MYBPC3: variants seen among roughly 807,000 people sequenced by gnomAD.
MYBPC3 encodes the protein myosin binding protein C3, also known as myosin-binding protein C, cardiac-type.
MYBPC3 carries 108 observed loss-of-function variants against 159.3 expected under a neutral mutation model. That is an observed-to-expected ratio of 0.68 (90% confidence interval 0.58 to 0.80). The LOEUF (loss-of-function observed/expected upper bound fraction) is 0.80, where lower values mean the gene tolerates loss of function less well. Among genes scored for constraint, MYBPC3 ranks in the 30% least tolerant of loss-of-function variants. The pLI is 0.00. For missense variants in MYBPC3, 1,631 were observed against 1,762.1 expected, an observed-to-expected ratio of 0.93 and a Z score of 1.33; for synonymous variants, 730 against 702.0, an observed-to-expected ratio of 1.04 and a Z score of -0.63.
In MYBPC3 at chr11:47,351,360, C is replaced by T; in HGVS notation, c.171G>A (p.Leu57=). The change falls in exon 2 of 35, where the codon CTG becomes CTA. Residue 57 remains leucine (L), a synonymous_variant. Coordinates refer to ENST00000545968, the MANE Select transcript of MYBPC3 (RefSeq NM_000256.3). This position sits in a 1 kb window ranked among gnomAD's most constrained non-coding sequence, Gnocchi z 4.2. ...GCGTATGCCGTGTGCCCTCTGTGGC[C>T]AGGCCGTACTTGTTGCTGGCGCTGA... The part of the protein sequence containing the change: ...SDISASNKYG[L]ATEGTRHTLT... The T allele has an allele frequency of 6.2e-7, 1 of 1,605,636 alleles. No individual in the cohort carries two copies. The highest frequency in any genetic ancestry group is 8.5e-7 in the Non-Finnish European group (1 of 1,176,508).
intron 27 of MYBPC3, among the ~76,000 whole-genome samples, 195 bp from the exon 28 acceptor site, chr11:47,334,205 T>C (rs2095880168): frequency 6.6e-6 from 1 of 152,212 alleles, no homozygotes; most frequent in African/African-American, 2.4e-5. Flanking sequence ...TCCCCGAGCC[T>C]CACCACTTCA....
In MYBPC3 at chr11:47,338,395, C is replaced by T. The variant is rs1417924941; in HGVS notation, c.2308+125G>A. The T allele has an allele frequency of 8.6e-6, 12 of 1,388,298 alleles. No individual in the cohort carries two copies. Among genetic ancestry groups the T allele is most frequent in the Admixed American group, 8.6e-5 (4 of 46,450 alleles). The allele number at this position is 1,388,298 out of a possible 1,614,324, so 86.0% of individuals were successfully genotyped here. A position where few individuals can be genotyped will look rare whatever the true frequency, so the allele number is the denominator to read the frequency against. On this transcript the variant is annotated intron_variant, in intron 23 of 34. Transcript: ENST00000545968. This position sits in a 1 kb window ranked among gnomAD's most constrained non-coding sequence, Gnocchi z 4.7. ...GCTCCTTTTGGGCAGAAAAACCTGT[C>T]CTGTTGCCGCTCGGCTCAGGGAGCA... is the stretch of plus-strand genomic sequence containing the variant.
intron 5 of MYBPC3, 138 bp downstream of exon 5, chr11:47,349,636 T>C: frequency 1.6e-6 from 2 of 1,286,598 alleles, no homozygotes; most frequent in South Asian, 1.5e-5. Context: ...CCCCTCCACC[T>C]GCCTCCCAGA....
In MYBPC3 at chr11:47,332,914, G is replaced by A; in HGVS notation, c.3390C>T (p.Ile1130=). 1 of 1,610,056 alleles carries A rather than the reference G, an allele frequency of 6.2e-7. No homozygotes were observed. The highest frequency in any genetic ancestry group is 8.5e-7 in the Non-Finnish European group (1 of 1,178,370). ...RRTHCVVPEL[I]IGNGYYFRVF... ...CGCGGAAGTAGTAGCCATTGCCAAT[G>A]ATGAGCTCTGGCACCACGCAGTGGG... The change falls in exon 31 of 35, where the codon ATC becomes ATT. Residue 1130 remains isoleucine (I), a synonymous_variant. Coordinates refer to ENST00000545968, the MANE Select transcript of MYBPC3 (RefSeq NM_000256.3). The surrounding 1 kb of genome is among the most constrained non-coding windows in gnomAD (Gnocchi z 4.2).
chr11:47,339,683 G>A lies in MYBPC3; in HGVS notation c.2035C>T (p.Pro679Ser), dbSNP rs372493586. 2 of 1,611,784 alleles carry A rather than the reference G, an allele frequency of 1.2e-6. No homozygotes were observed. Among genetic ancestry groups the A allele is most frequent in the Non-Finnish European group, 1.7e-6 (2 of 1,178,738 alleles). Residue 679 changes from proline to serine, a missense_variant, in exon 21 of 35, where the codon CCC becomes TCC. Coordinates refer to ENST00000545968, the MANE Select transcript of MYBPC3 (RefSeq NM_000256.3). ...LDVPISGDPA[P>S]TVIWQKAITQ... ...ATAGCCTTCTGCCAGATCACAGTGG[G>A]AGCAGGGTCCCCAGAGATAGGGACG...
chr11:47,332,271 TAA>T lies in MYBPC3; in HGVS notation c.3628-15_3628-14del. On this transcript the variant is annotated splice_polypyrimidine_tract_variant and intron_variant, in intron 32 of 34. Transcript: ENST00000545968. This position sits in a 1 kb window ranked among gnomAD's most constrained non-coding sequence, Gnocchi z 4.2. ...AGGAAATCTTGGGCTATAAATAAGG[TAA>T]AGAGAGGGAGGGAAGCCATCCAGGC... 6.2e-7 allele frequency: 1 copy of T among 1,612,686 alleles called. No homozygotes were observed. The highest frequency in any genetic ancestry group is 8.5e-7 in the Non-Finnish European group (1 of 1,179,472).
In MYBPC3 at chr11:47,337,511, C is replaced by T. The variant is rs770514536; in HGVS notation, c.2482G>A (p.Glu828Lys). ...ATGCGCCGCGCTTCATGACTCAGCTCCTGAATCAGGTCGAAGTTCAGCCGC... is the reference window on the plus strand; with the variant it reads ...ATGCGCCGCGCTTCATGACTCAGCTTCTGAATCAGGTCGAAGTTCAGCCGC... Reference protein sequence around the residue: ...WMRLNFDLIQELSHEARRMIE... With the variant: ...WMRLNFDLIQKLSHEARRMIE... The change falls in exon 25 of 35, where the codon GAG becomes AAG. Residue 828 changes from glutamate (E) to lysine (K), a missense_variant. Glu to Lys is a moderately conservative substitution (Grantham distance 56). Coordinates refer to ENST00000545968, the MANE Select transcript of MYBPC3 (RefSeq NM_000256.3). 3.1e-6 allele frequency: 5 copies of T among 1,613,908 alleles called. No individual in the cohort carries two copies. Among genetic ancestry groups the T allele is most frequent in the Non-Finnish European group, 4.2e-6 (5 of 1,179,914 alleles).
chr11:47,334,980 C>G, intron 27 of MYBPC3, 62 bp downstream of exon 27: 1 of 1,422,076 alleles, frequency 7.0e-7, no homozygotes, highest in East Asian at 2.7e-5. Flanking sequence ...CCCACCTCCA[C>G]TGGACACCAA....
chr11:47,345,537 G>A (rs995153402), intron 12 of MYBPC3, among the ~76,000 whole-genome samples: 4 of 152,132 alleles, frequency 2.6e-5, no homozygotes, highest in South Asian at 2.1e-4. Flanking sequence ...TAGAGCGCTC[G>A]AGGTGTGTGC....
intron 25 of MYBPC3, 60 bp downstream of exon 25, chr11:47,337,331 T>G: frequency 5.4e-6 from 8 of 1,490,166 alleles, no homozygotes; most frequent in East Asian, 2.3e-5. Context: ...GCACCTGCTA[T>G]TATTGGAGGT....
chr11:47,346,491 G>A lies in MYBPC3; in HGVS notation c.927-121C>T, dbSNP rs1291654886. 6 of 1,454,082 alleles carry A rather than the reference G, an allele frequency of 4.1e-6. No individual in the cohort carries two copies. In the South Asian group the frequency reaches 4.2e-5, roughly 10 times the overall value. The allele number at this position is 1,454,082 out of a possible 1,614,324, so 90.1% of individuals were successfully genotyped here. ...GTCCCTCTGCCCCTTCCCTTCTGGTGGGGCAGCTGGAGCTGCTCTGGGTCC... is the reference window on the plus strand; with the variant it reads ...GTCCCTCTGCCCCTTCCCTTCTGGTAGGGCAGCTGGAGCTGCTCTGGGTCC... On this transcript the variant is annotated intron_variant, in intron 11 of 34. Coordinates refer to ENST00000545968, the MANE Select transcript of MYBPC3 (RefSeq NM_000256.3). The surrounding 1 kb of genome is among the most constrained non-coding windows in gnomAD (Gnocchi z 5.3).
intron 25 of MYBPC3, among the ~76,000 whole-genome samples, chr11:47,336,879 C>T (rs376612470): frequency 6.6e-6 from 1 of 152,234 alleles, no homozygotes; most frequent in African/African-American, 2.4e-5. Flanking sequence ...ATGGAGCTGC[C>T]TCTGCCATCT....
chr11:47,333,800 C>T lies in MYBPC3; in HGVS notation c.2995-48G>A, dbSNP rs761492958. On this transcript the variant is annotated intron_variant, in intron 28 of 34. Coordinates refer to ENST00000545968, the MANE Select transcript of MYBPC3 (RefSeq NM_000256.3). ...CCTGAACCTGGATCACTCCAAGGGC[C>T]GGCCGCCACCCCAGCCTCTGGTACC... 44 of 1,552,832 alleles carry T rather than the reference C, an allele frequency of 2.8e-5. No homozygotes were observed. In the South Asian group the frequency reaches 3.3e-4, roughly 12 times the overall value.
chr11:47,335,745 A>C, intron 26 of MYBPC3, 132 bp downstream of exon 26: 4 of 732,392 alleles, frequency 5.5e-6, no homozygotes, highest in Non-Finnish European at 8.1e-6. Flanking sequence ...AAAACAGGAC[A>C]GATATTTCTC....
rs1448521968 is a variant in MYBPC3, at chr11:47,337,775, C to T, written c.2328G>A (p.Ala776=). 18 of 1,552,220 alleles carry T rather than the reference C, an allele frequency of 1.2e-5. No individual in the cohort carries two copies. The South Asian group carries it at 1.2e-4, about 10-fold the overall frequency. ...VKVIDVPDAP[A]APKISNVGED... ...CTCCCACGTTGCTGATCTTGGGGGC[C>T]GCAGGTGCGTCTGGCACGTCTGGAT... Residue 776 remains alanine (A), a synonymous_variant, in exon 24 of 35, where the codon GCG becomes GCA. Transcript: ENST00000545968.
At chr11:47,344,732 T>C (rs2095892516) in intron 12 of MYBPC3, among the ~76,000 whole-genome samples, 1 of 152,196 alleles carries the variant, frequency 6.6e-6, no homozygotes, top group African/African-American at 2.4e-5. Flanking sequence ...CATCATAGTG[T>C]TGTTTCGAGA....
rs1194910212 is a variant in MYBPC3, at chr11:47,346,236, C to G, written c.1061G>C (p.Gly354Ala). 6.2e-7 allele frequency: 1 copy of G among 1,613,954 alleles called. No homozygotes were observed. Among genetic ancestry groups the G allele is most frequent in the East Asian group, 2.2e-5 (1 of 44,878 alleles). ...DLRGMLKRLKGMRRDEKKSTA... is the reference protein window; with the variant it reads ...DLRGMLKRLKAMRRDEKKSTA... ...GCTCTTCTTCTCATCGCGCCTCATG[C>G]CCTTGAGCCTCTTTAGCATGCCGCG... Residue 354 changes from glycine to alanine, a missense_variant, in exon 12 of 35, where the codon GGC becomes GCC. Gly to Ala is a moderately conservative substitution (Grantham distance 60). Transcript: ENST00000545968. The surrounding 1 kb of genome is among the most constrained non-coding windows in gnomAD (Gnocchi z 5.3).
At chr11:47,334,315 G>A (rs2095880232) in intron 27 of MYBPC3, among the ~76,000 whole-genome samples, 1 of 152,220 alleles carries the variant, frequency 6.6e-6, no homozygotes, top group Non-Finnish European at 1.5e-5. Flanking sequence ...CCTATGCCCT[G>A]TGTTGTTACC....
chr11:47,348,246 C>A (rs1052849689), intron 6 of MYBPC3, among the ~76,000 whole-genome samples, 178 bp downstream of exon 6: 1 of 152,184 alleles, frequency 6.6e-6, no homozygotes, highest in Non-Finnish European at 1.5e-5. Flanking sequence ...CCTAAGCCCC[C>A]ACGCCTACCC....
Sources: allele counts gnomAD v4.1 joint callset (sites outside exome capture counted in the v4.1 genomes callset), GRCh38; gene constraint gnomAD v4.1.1; non-coding constraint Gnocchi (gnomAD v3.1); transcripts MANE v1.5; gene names NCBI Gene and HGNC (gene_info 2026-07-23, HGNC 2026-07-21).